The following SPINK1 variants were observed in gnomAD, a reference collection of about 807,000 sequenced individuals.
SPINK1 encodes serine protease inhibitor Kazal-type 1.
SPINK1 carries 5 observed loss-of-function variants against 9.5 expected under a neutral mutation model. The observed-to-expected ratio is 0.52, with a 90% CI of 0.27 to 1.10. The LOEUF (loss-of-function observed/expected upper bound fraction) is 1.10, where lower values mean the gene tolerates loss of function less well. Among genes scored for constraint, SPINK1 ranks in the 50% least tolerant of loss-of-function variants. The probability of loss-of-function intolerance (pLI) is 0.11; values close to 1 mark genes in which losing one functional copy is unlikely to be tolerated. For synonymous variants in SPINK1, 37 were observed against 32.3 expected (o/e 1.14, Z -0.49); for missense variants, 88 against 92.7 (o/e 0.95, Z 0.21).
chr5:147,826,157 A>C (rs1010179585), intron 3 of SPINK1, among the ~76,000 whole-genome samples: 1 of 152,216 alleles, frequency 6.6e-6, no homozygotes, highest in African/African-American at 2.4e-5. Context: ...TGTTTATTGA[A>C]TATATTTGCC....
At chr5:147,837,950 C>T in the SPINK1 span, among the ~76,000 whole-genome samples, 1 of 152,044 alleles carries the variant, frequency 6.6e-6, no homozygotes, top group African/African-American at 2.4e-5. Context: ...GATCCACCCG[C>T]CTCGGCCCCA....
At chr5:147,827,825 A>G (rs1580941355) in intron 3 of SPINK1, 197 bp downstream of exon 3, 1 of 482,932 alleles carries the variant, frequency 2.1e-6, no homozygotes, top group East Asian at 3.4e-5. Context: ...TAAAAAATAT[A>G]GGCTTTTATC....
Position 147,828,040 on chromosome 5 carries a change from A to T in SPINK1, c.176T>A (p.Val59Glu), listed in dbSNP as rs754677627. ...TACTCACCGATTTTCAAAACATAAC[A>T]CGCATTCATTGGGATAAGTATTTCC... Reference protein sequence around the residue: ...TDGNTYPNECVLCFENRKRQT... With the variant: ...TDGNTYPNECELCFENRKRQT... Residue 59 changes from valine to glutamate, a missense_variant, in exon 3 of 4, where the codon GTG (valine) becomes GAG (glutamate). Transcript: ENST00000296695. The T allele has an allele frequency of 6.2e-7, 1 of 1,613,168 alleles. No homozygotes were observed. The highest frequency in any genetic ancestry group is 1.1e-5 in the South Asian group (1 of 91,024).
rs1260794741 is a variant in SPINK1, at chr5:147,828,584, CGG to C, written c.88-458_88-457del. Reference sequence around the variant, plus strand: ...GGCACTTAAAGGCACTAGGCATTGTCGGGTGTTGGAAGTCTTTGCATTCTACT... The same window carrying C: ...GGCACTTAAAGGCACTAGGCATTGTCGTGTTGGAAGTCTTTGCATTCTACT... On this transcript the variant is annotated intron_variant, in intron 2 of 3. Transcript: ENST00000296695. Among the ~76,000 whole-genome samples the C allele has an allele frequency of 2.6e-5, 4 of 152,248 alleles. No individual in the cohort carries two copies. In the South Asian group the frequency reaches 8.3e-4, roughly 32 times the overall value.
the SPINK1 span, among the ~76,000 whole-genome samples, chr5:147,838,289 T>C: frequency 6.6e-6 from 1 of 152,188 alleles, no homozygotes; most frequent in African/African-American, 2.4e-5. Flanking sequence ...ATTCTGTAGC[T>C]AAAGGTAGTA....
At chr5:147,833,185 C>T (rs1048874408), upstream of SPINK1, among the ~76,000 whole-genome samples, 1 of 152,078 alleles carries the variant, frequency 6.6e-6, no homozygotes, top group Non-Finnish European at 1.5e-5. Flanking sequence ...CTGAGGCTGA[C>T]GCTGGTTTGA....
the SPINK1 span, among the ~76,000 whole-genome samples, chr5:147,837,427 A>T: frequency 1.8e-4 from 27 of 152,288 alleles, no homozygotes; most frequent in African/African-American, 6.5e-4. Context: ...TGTTATGAGG[A>T]ATTAAGAGGA....
intron 3 of SPINK1, among the ~76,000 whole-genome samples, chr5:147,825,091 A>G (rs925803598): frequency 2.0e-5 from 3 of 152,148 alleles, no homozygotes; most frequent in African/African-American, 7.2e-5. Context: ...TGGACCTTCT[A>G]ATTGATTGAC....
chr5:147,830,565 G>A (rs1353174560), intron 1 of SPINK1, among the ~76,000 whole-genome samples: 3 of 152,112 alleles, frequency 2.0e-5, no homozygotes, highest in Non-Finnish European at 2.9e-5. Context: ...GGGCCCACTG[G>A]CTTTTAGAAT....
intron 3 of SPINK1, 180 bp downstream of exon 3, chr5:147,827,842 G>A (rs1330524194): frequency 1.4e-4 from 74 of 529,676 alleles, no homozygotes; most frequent in Non-Finnish European, 6.6e-5. Context: ...TATCATACAA[G>A]TGACTTCTAA....
At chr5:147,838,749 T>C in the SPINK1 span, among the ~76,000 whole-genome samples, 1 of 152,220 alleles carries the variant, frequency 6.6e-6, no homozygotes, top group Non-Finnish European at 1.5e-5. Flanking sequence ...TTCTTTGCTT[T>C]TCCATGGCTC....
At chr5:147,836,783 T>G in the SPINK1 span, among the ~76,000 whole-genome samples, 4 of 152,198 alleles carry the variant, frequency 2.6e-5, no homozygotes, top group Non-Finnish European at 4.4e-5. Flanking sequence ...TACTCCATCT[T>G]CATTCTCTTT....
chr5:147,825,222 T>C (rs1458689542), intron 3 of SPINK1, among the ~76,000 whole-genome samples: 1 of 152,144 alleles, frequency 6.6e-6, no homozygotes, highest in Non-Finnish European at 1.5e-5. Flanking sequence ...AACCTCTCTG[T>C]TCGCCCCACA....
intron 1 of SPINK1, among the ~76,000 whole-genome samples, chr5:147,831,059 G>T (rs1005496919): frequency 6.6e-6 from 1 of 152,006 alleles, no homozygotes; most frequent in African/African-American, 2.4e-5. Context: ...AACTATACAT[G>T]ATTCAAGTAC....
chr5:147,832,343 G>A (rs952427695), upstream of SPINK1, among the ~76,000 whole-genome samples: 1 of 152,142 alleles, frequency 6.6e-6, no homozygotes, highest in Non-Finnish European at 1.5e-5. Context: ...TCTACCATGT[G>A]TTATTAGAAG....
the SPINK1 span, among the ~76,000 whole-genome samples, chr5:147,837,652 TCTTTC>T: frequency 3.1e-5 from 2 of 63,726 alleles, no homozygotes; most frequent in Non-Finnish European, 6.4e-5. Context: ...TAACTTCTTT[TCTTTC>T]TTTCTTTCTT....
intron 1 of SPINK1, among the ~76,000 whole-genome samples, chr5:147,831,322 T>C (rs1561606382): frequency 6.6e-6 from 1 of 152,204 alleles, no homozygotes; most frequent in Non-Finnish European, 1.5e-5. Context: ...GGGAATTTCT[T>C]ACTAGTAGAA....
upstream of SPINK1, among the ~76,000 whole-genome samples, chr5:147,832,469 C>T (rs529063318): frequency 3.4e-4 from 52 of 152,212 alleles, no homozygotes; most frequent in South Asian, 7.5e-3. Context: ...TTAGAAAATA[C>T]GTAATGTCTC....
In SPINK1 at chr5:147,831,578, G is replaced by A; in HGVS notation, c.-1C>T. ...GAAGAAAGATGCCTGTTACCTTCAT[G>A]GCTGAAGTTCTGCGTCCAGAGGTCA... On this transcript the variant is annotated 5_prime_UTR_variant, in exon 1 of 4. Coordinates refer to ENST00000296695, the MANE Select transcript of SPINK1 (RefSeq NM_001379610.1). 6.2e-7 allele frequency: 1 copy of A among 1,613,526 alleles called. No individual in the cohort carries two copies. The highest frequency in any genetic ancestry group is 1.3e-5 in the African/African-American group (1 of 75,028).
Sources: allele counts gnomAD v4.1 joint callset (sites outside exome capture counted in the v4.1 genomes callset), GRCh38; gene constraint gnomAD v4.1.1; transcripts MANE v1.5; gene names NCBI Gene and HGNC (gene_info 2026-07-23, HGNC 2026-07-21).